Variants in PRIM2 observed in about 807,000 individuals in gnomAD.
PRIM2 encodes the protein DNA primase large subunit.
A neutral mutation model predicts 67.3 loss-of-function variants in PRIM2; 39 were observed. That is an observed-to-expected ratio of 0.58 (90% CI 0.45 to 0.76). The LOEUF (loss-of-function observed/expected upper bound fraction) is 0.76. Ranked by LOEUF, PRIM2 falls within the 30% of genes least tolerant of loss-of-function variation. PRIM2 has a pLI of 0.00. For synonymous variants in PRIM2, 143 were observed against 198.7 expected (o/e 0.72, Z 2.36); for missense variants, 398 against 598.7 (o/e 0.66, Z 3.50).
At chr6:57,328,560 T>TCA (rs1767951115) in intron 5 of PRIM2, among the ~76,000 whole-genome samples, 1 of 152,238 alleles carries the variant, frequency 6.6e-6, no homozygotes. Flanking sequence ...TTTTACCTGT[T>TCA]CAGCATTCGA....
At chr6:57,318,622 T>A (rs1339734855) in intron 2 of PRIM2, 23 bp downstream of exon 2, 3 of 1,518,888 alleles carry the variant, frequency 2.0e-6, no homozygotes, top group Non-Finnish European at 2.7e-6. Context: ...TAAATTAGAA[T>A]GTATATATTC....
the PRIM2 span, among the ~76,000 whole-genome samples, chr6:57,253,078 A>C: frequency 2.6e-5 from 4 of 152,214 alleles, no homozygotes; most frequent in African/African-American, 9.6e-5. Flanking sequence ...ACAAAGCTGA[A>C]GTTTAGCCAG....
chr6:57,399,091 G>T (rs1479415270), intron 7 of PRIM2, among the ~76,000 whole-genome samples: 1 of 151,892 alleles, frequency 6.6e-6, no homozygotes, highest in Non-Finnish European at 1.5e-5. Context: ...TGTACAACAT[G>T]CAGGTTTGTT....
intron 10 of PRIM2, among the ~76,000 whole-genome samples, chr6:57,549,596 AAT>A (rs1321329858): frequency 6.6e-6 from 1 of 152,146 alleles, no homozygotes; most frequent in African/African-American, 2.4e-5. Flanking sequence ...GTACTAAAGA[AAT>A]ATTGAATAAT....
the PRIM2 span, among the ~76,000 whole-genome samples, chr6:57,257,621 A>G: frequency 1.3e-5 from 2 of 152,170 alleles, no homozygotes; most frequent in African/African-American, 4.8e-5. Context: ...CTGGTGGTAA[A>G]CTACTCATGG....
At chr6:57,519,341 C>T (rs1443126783) in intron 8 of PRIM2, among the ~76,000 whole-genome samples, 3 of 152,188 alleles carry the variant, frequency 2.0e-5, no homozygotes, top group Non-Finnish European at 4.4e-5. Context: ...CCTGGGAGCG[C>T]TATGGGAGAC....
At chr6:57,381,192 A>G (rs567315032) in intron 6 of PRIM2, among the ~76,000 whole-genome samples, 9 of 152,332 alleles carry the variant, frequency 5.9e-5, no homozygotes, top group Admixed American at 2.0e-4. Flanking sequence ...AAATAGGTAA[A>G]TTAATTGAAA....
chr6:57,606,241 A>G (rs1302482275), intron 11 of PRIM2, 134 bp from the exon 12 acceptor site: 18 of 659,130 alleles, frequency 2.7e-5, no homozygotes, highest in Non-Finnish European at 4.9e-5. Flanking sequence ...AGTTGCACCC[A>G]TGGGCAATTA....
intron 5 of PRIM2, among the ~76,000 whole-genome samples, chr6:57,366,751 T>C (rs1194543240): frequency 1.3e-5 from 2 of 152,100 alleles, no homozygotes; most frequent in Non-Finnish European, 2.9e-5. Context: ...GTCACCATAA[T>C]GAGGTGCCAG....
intron 7 of PRIM2, among the ~76,000 whole-genome samples, chr6:57,418,245 G>A (rs1225133047): frequency 1.4e-4 from 22 of 151,726 alleles, no homozygotes; most frequent in African/African-American, 4.1e-4. Context: ...GGGAGGAAAC[G>A]CAAATAGAAC....
chr6:57,515,521 G>T (rs1203332064), intron 8 of PRIM2, among the ~76,000 whole-genome samples: 84 of 152,302 alleles, frequency 5.5e-4, no homozygotes, highest in Non-Finnish European at 9.6e-4. Flanking sequence ...ACAAGTGAAC[G>T]AGTGACTTGA....
At chr6:57,388,182 T>G (rs2079933) in intron 7 of PRIM2, among the ~76,000 whole-genome samples, 3 of 152,214 alleles carry the variant, frequency 2.0e-5, no homozygotes, top group South Asian at 4.1e-4. Flanking sequence ...CTAATGTAGT[T>G]GAAAGACATT....
intron 10 of PRIM2, among the ~76,000 whole-genome samples, chr6:57,543,916 A>T (rs1283458155): frequency 6.6e-6 from 1 of 152,218 alleles, no homozygotes; most frequent in African/African-American, 2.4e-5. Flanking sequence ...TATTAAGGTT[A>T]AGCAGTTTTT....
chr6:57,608,773 A>C (rs1776611061), intron 12 of PRIM2, among the ~76,000 whole-genome samples: 1 of 151,972 alleles, frequency 6.6e-6, no homozygotes, highest in Non-Finnish European at 1.5e-5. Context: ...TAGCTTAAGC[A>C]TCATAGGATT....
At chr6:57,618,454 C>T (rs1776791254) in intron 12 of PRIM2, among the ~76,000 whole-genome samples, 1 of 152,216 alleles carries the variant, frequency 6.6e-6, no homozygotes, top group African/African-American at 2.4e-5. Flanking sequence ...TGAGAGGACC[C>T]TCAGACTCTC....
At chr6:57,342,363 G>A (rs1768522335) in intron 5 of PRIM2, among the ~76,000 whole-genome samples, 2 of 152,176 alleles carry the variant, frequency 1.3e-5, no homozygotes, top group African/African-American at 4.8e-5. Flanking sequence ...CCACTGCTGA[G>A]TTGATTGACT....
At chr6:57,231,555 A>G in the PRIM2 span, among the ~76,000 whole-genome samples, 56 of 152,368 alleles carry the variant, frequency 3.7e-4, no homozygotes, top group African/African-American at 1.3e-3. Flanking sequence ...GAAAGATAAT[A>G]GCCTATTGAC....
At chr6:57,486,109 G>A (rs1453970317) in intron 7 of PRIM2, among the ~76,000 whole-genome samples, 6 of 152,188 alleles carry the variant, frequency 3.9e-5, no homozygotes, top group Admixed American at 1.3e-4. Context: ...GGAAGTGCTG[G>A]ACCAGTGGAG....
At chr6:57,390,000 C>T (rs1049584412) in intron 7 of PRIM2, 5 of 154,748 alleles carry the variant, frequency 3.2e-5, no homozygotes, top group African/African-American at 1.2e-4. Flanking sequence ...CATCAATATG[C>T]AAGTAGCATA....
Sources: allele counts gnomAD v4.1 joint callset (sites outside exome capture counted in the v4.1 genomes callset), GRCh38; gene constraint gnomAD v4.1.1; transcripts MANE v1.5; gene names NCBI Gene and HGNC (gene_info 2026-07-23, HGNC 2026-07-21).